Variants in DPP6 observed in about 807,000 individuals in gnomAD.
The protein encoded by DPP6 is A-type potassium channel modulatory protein DPP6.
In DPP6, 69 loss-of-function variants were observed where a neutral mutation model predicts 122.6. The observed-to-expected ratio is 0.56, with a 90% CI of 0.46 to 0.69. The LOEUF (loss-of-function observed/expected upper bound fraction) is 0.69, where lower values mean the gene tolerates loss of function less well. DPP6 is among the 30% of genes least tolerant of loss of function. The pLI is 0.00. For synonymous variants in DPP6, 418 were observed against 433.1 expected (o/e 0.97, Z 0.43); for missense variants, 928 against 1,116.9 (o/e 0.83, Z 2.41).
chr7:154,272,798 C>T (rs555668393), intron 1 of DPP6, among the ~76,000 whole-genome samples: 3 of 152,210 alleles, frequency 2.0e-5, no homozygotes, highest in South Asian at 2.1e-4. Context: ...TGAGCTGGTG[C>T]GTGTTCTCAT....
chr7:154,846,585 G>A (rs1801960734), intron 16 of DPP6, among the ~76,000 whole-genome samples: 1 of 152,176 alleles, frequency 6.6e-6, no homozygotes. Context: ...TTTTGAAACA[G>A]CAACTGCAGT....
intron 1 of DPP6, among the ~76,000 whole-genome samples, chr7:153,965,843 G>A (rs371421524): frequency 2.0e-5 from 3 of 151,582 alleles, no homozygotes; most frequent in East Asian, 3.9e-4. Context: ...AGAACCTGTA[G>A]CTGCTCTGTT....
chr7:154,175,989 G>C (rs1241598950), intron 1 of DPP6, among the ~76,000 whole-genome samples: 3 of 152,158 alleles, frequency 2.0e-5, no homozygotes, highest in African/African-American at 4.8e-5. Context: ...TGCCCAGCCA[G>C]AGGCTGGCTT....
chr7:154,751,319 G>T (rs1043546098), intron 8 of DPP6, among the ~76,000 whole-genome samples: 1 of 152,076 alleles, frequency 6.6e-6, no homozygotes, highest in Admixed American at 6.6e-5. Context: ...AAGGAAAACT[G>T]GCCGGCACGA....
chr7:154,522,125 G>A (rs7786235), intron 3 of DPP6, among the ~76,000 whole-genome samples: 18,652 of 152,002 alleles, frequency 0.12, 1,401 homozygotes, highest in Non-Finnish European at 0.17. Flanking sequence ...CACCACGCCC[G>A]GCTAATTTTT....
rs540169209 is a variant in DPP6, at chr7:154,295,810, T to C, written c.244-150404T>C. On this transcript the variant is annotated intron_variant, in intron 1 of 25. Coordinates refer to ENST00000377770, the MANE Select transcript of DPP6 (RefSeq NM_130797.4). ...TTTGAGTTTATACATGGATGCCTTA[T>C]GTGTTTTGTGCGTATTTACATTTAT... Among the ~76,000 whole-genome samples, 163 of 152,314 alleles carry C rather than the reference T, an allele frequency of 1.1e-3. 1 individual carries two copies. The highest frequency in any genetic ancestry group is 3.7e-3 in the African/African-American group (152 of 41,574).
At chr7:154,210,357 A>G (rs1163725967) in intron 1 of DPP6, among the ~76,000 whole-genome samples, 1 of 152,124 alleles carries the variant, frequency 6.6e-6, no homozygotes, top group Non-Finnish European at 1.5e-5. Flanking sequence ...TCTCTCATCC[A>G]ACACTGTGTT....
intron 1 of DPP6, among the ~76,000 whole-genome samples, chr7:154,416,566 A>G (rs1333981904): frequency 1.3e-5 from 2 of 152,140 alleles, no homozygotes; most frequent in Non-Finnish European, 2.9e-5. Context: ...CTTATAAATG[A>G]CACTGTATCA....
At chr7:154,506,332 A>C (rs550097124) in intron 3 of DPP6, among the ~76,000 whole-genome samples, 29 of 152,222 alleles carry the variant, frequency 1.9e-4, no homozygotes, top group African/African-American at 6.7e-4. Context: ...TTTTCAGTAA[A>C]GATTTTTTAA....
At chr7:154,085,927 C>T (rs1804380545) in intron 1 of DPP6, among the ~76,000 whole-genome samples, 2 of 152,158 alleles carry the variant, frequency 1.3e-5, no homozygotes, top group South Asian at 2.1e-4. Context: ...AGGGTTTCAC[C>T]ATGTTGGCCA....
At chr7:153,760,403 A>T in the DPP6 span, among the ~76,000 whole-genome samples, 1 of 152,136 alleles carries the variant, frequency 6.6e-6, no homozygotes. Context: ...GCCATCCTTG[A>T]ATGAGATTTG....
At chr7:154,521,354 C>T (rs1038646729) in intron 3 of DPP6, among the ~76,000 whole-genome samples, 1 of 150,300 alleles carries the variant, frequency 6.7e-6, no homozygotes, top group African/African-American at 2.4e-5. Flanking sequence ...AATCCTAATT[C>T]TACAAATAAA....
chr7:154,211,973 C>T (rs1276930480), intron 1 of DPP6, among the ~76,000 whole-genome samples: 2 of 78,982 alleles, frequency 2.5e-5, no homozygotes, highest in East Asian at 3.4e-4. Context: ...CTTGTCACAG[C>T]GCCCTGCCCC....
the DPP6 span, among the ~76,000 whole-genome samples, chr7:153,778,516 T>A: frequency 6.7e-6 from 1 of 150,154 alleles, no homozygotes. Context: ...TTTATTTAGG[T>A]ATAATTTGTA....
At chr7:154,660,374 T>A (rs1424978828) in intron 6 of DPP6, among the ~76,000 whole-genome samples, 1 of 150,140 alleles carries the variant, frequency 6.7e-6, no homozygotes, top group Non-Finnish European at 1.5e-5. Flanking sequence ...GTTCATATAG[T>A]CATGGTGAAT....
At chr7:154,244,150 A>T (rs12671386) in intron 1 of DPP6, among the ~76,000 whole-genome samples, 5,928 of 152,262 alleles carry the variant, frequency 0.039, 191 homozygotes, top group East Asian at 0.14. Context: ...CTGTCAAAGC[A>T]GTTAGAGAGA....
chr7:154,236,581 C>T (rs1037996764), intron 1 of DPP6, among the ~76,000 whole-genome samples: 5 of 152,054 alleles, frequency 3.3e-5, no homozygotes, highest in African/African-American at 9.7e-5. Flanking sequence ...AAGATATAGC[C>T]GTTTATTTCT....
At chr7:154,104,003 G>A (rs2626692) in intron 1 of DPP6, among the ~76,000 whole-genome samples, 1 of 152,168 alleles carries the variant, frequency 6.6e-6, no homozygotes, top group African/African-American at 2.4e-5. Flanking sequence ...GGGACTTCAC[G>A]TCGTGAGCAT....
At chr7:154,433,136 GTTTTTTTT>G (rs548053204) in intron 1 of DPP6, among the ~76,000 whole-genome samples, 2 of 72,336 alleles carry the variant, frequency 2.8e-5, no homozygotes, top group African/African-American at 1.2e-4. Flanking sequence ...TAGACTGCAA[GTTTTTTTT>G]TTTTTTTTTT....
Sources: gnomAD v4.1 joint callset for allele counts (sites outside exome capture counted in the v4.1 genomes callset) on GRCh38, gnomAD v4.1.1 for gene constraint, MANE v1.5 for transcripts, NCBI Gene and HGNC (gene_info 2026-07-23, HGNC 2026-07-21) for gene names.